DIAPH2: variants seen among roughly 807,000 people sequenced by gnomAD.
The protein encoded by DIAPH2 is diaphanous related formin 2.
A neutral mutation model predicts 92.7 loss-of-function variants in DIAPH2; 35 were observed. The ratio of observed to expected loss-of-function variants is 0.38; its 90% CI spans 0.29 to 0.50. The LOEUF (loss-of-function observed/expected upper bound fraction) is 0.50, where lower values mean the gene tolerates loss of function less well. DIAPH2 is among the 20% of genes least tolerant of loss of function. The pLI is 0.94. For synonymous variants in DIAPH2, 301 were observed against 280.4 expected (o/e 1.07, Z -0.73); for missense variants, 701 against 819.5 (o/e 0.86, Z 1.77).
chrX:97,526,864 T>C (rs2071027955), intron 26 of DIAPH2, among the ~76,000 whole-genome samples: 1 of 111,729 alleles, frequency 9.0e-6, no homozygotes, highest in African/African-American at 3.3e-5. Context: ...CCCATTCAAC[T>C]TTTCCATCTA....
intron 4 of DIAPH2, among the ~76,000 whole-genome samples, chrX:96,763,501 A>G (rs1347571371): frequency 9.0e-6 from 1 of 111,319 alleles, no homozygotes; most frequent in East Asian, 2.8e-4. Flanking sequence ...TGTCACTTTG[A>G]TTTCAGTATG....
At chrX:97,544,917 A>G (rs2071168226) in intron 26 of DIAPH2, among the ~76,000 whole-genome samples, 1 of 111,580 alleles carries the variant, frequency 9.0e-6, no homozygotes, top group Non-Finnish European at 1.9e-5. Flanking sequence ...AGTTTTTATT[A>G]CAGACCTACT....
chrX:97,415,866 T>C (rs1225784746), intron 25 of DIAPH2, among the ~76,000 whole-genome samples: 1 of 110,116 alleles, frequency 9.1e-6, no homozygotes, highest in African/African-American at 3.3e-5. Context: ...GAAAAAAAAA[T>C]AGTGAGGATG....
At chrX:96,884,651 A>C in intron 5 of DIAPH2, 1 of 1,210,807 alleles carries the variant, frequency 8.3e-7, no homozygotes, top group Non-Finnish European at 1.1e-6. Flanking sequence ...GAGAAAGTCA[A>C]GCAGGTGACT....
At chrX:96,785,940 A>G (rs2064453436) in intron 4 of DIAPH2, among the ~76,000 whole-genome samples, 1 of 111,765 alleles carries the variant, frequency 8.9e-6, no homozygotes, top group Non-Finnish European at 1.9e-5. Flanking sequence ...CAGTCCTTAT[A>G]TAGGAGCCAC....
intron 5 of DIAPH2, among the ~76,000 whole-genome samples, chrX:96,888,588 T>TATCTATATAC (rs2065283678): frequency 1.0e-5 from 1 of 99,443 alleles, no homozygotes; most frequent in Non-Finnish European, 2.0e-5. Context: ...TATCTATATA[T>TATCTATATAC]ATACAGATAT....
chrX:97,289,920 T>G (rs1382262341), intron 23 of DIAPH2, among the ~76,000 whole-genome samples: 1 of 109,947 alleles, frequency 9.1e-6, no homozygotes, highest in Admixed American at 9.8e-5. Flanking sequence ...GAGACAGCTT[T>G]TTGCCATGTT....
intron 26 of DIAPH2, among the ~76,000 whole-genome samples, chrX:97,506,244 G>A (rs1221518459): frequency 2.2e-5 from 2 of 91,644 alleles, no homozygotes; most frequent in Non-Finnish European, 4.1e-5. Flanking sequence ...CTGCCTCCCA[G>A]GTTCAAGCAA....
chrX:96,774,540 C>T (rs753140838), intron 4 of DIAPH2, among the ~76,000 whole-genome samples: 6 of 111,448 alleles, frequency 5.4e-5, no homozygotes, highest in Admixed American at 9.6e-5. Flanking sequence ...CAGATGTTCA[C>T]GAACAGGTAA....
At chrX:97,168,710 A>G (rs1039637169) in intron 22 of DIAPH2, among the ~76,000 whole-genome samples, 4 of 111,994 alleles carry the variant, frequency 3.6e-5, no homozygotes, top group Admixed American at 2.8e-4. Context: ...TGGCTTAAAC[A>G]ACAGAAATTT....
chrX:96,907,780 A>AT (rs1327986329), intron 5 of DIAPH2, among the ~76,000 whole-genome samples: 1 of 111,778 alleles, frequency 8.9e-6, no homozygotes, highest in Non-Finnish European at 1.9e-5. Flanking sequence ...ACTCCTAGAT[A>AT]TTTTTTTAAC....
chrX:97,314,218 G>A (rs188762726), intron 23 of DIAPH2, among the ~76,000 whole-genome samples: 18 of 104,516 alleles, frequency 1.7e-4, no homozygotes, highest in African/African-American at 6.0e-4. Context: ...AGACGAGCCT[G>A]GGACACATAG....
At chrX:96,798,859 C>G (rs1281467633) in intron 4 of DIAPH2, among the ~76,000 whole-genome samples, 1 of 111,355 alleles carries the variant, frequency 9.0e-6, no homozygotes, top group Non-Finnish European at 1.9e-5. Context: ...TTTCCAAATG[C>G]TCAATGAAGT....
chrX:97,078,545 T>A (rs1422312155), intron 19 of DIAPH2, among the ~76,000 whole-genome samples: 1 of 111,744 alleles, frequency 8.9e-6, no homozygotes, highest in Non-Finnish European at 1.9e-5. Context: ...ACATTATAGT[T>A]GTGGCAGAGA....
intron 23 of DIAPH2, among the ~76,000 whole-genome samples, chrX:97,257,891 T>C (rs1456542941): frequency 9.2e-6 from 1 of 108,854 alleles, no homozygotes; most frequent in Non-Finnish European, 1.9e-5. Flanking sequence ...GTCATTTATG[T>C]ATCATTCTCC....
At chrX:97,030,550 C>A (rs774463086) in intron 17 of DIAPH2, among the ~76,000 whole-genome samples, 3 of 110,654 alleles carry the variant, frequency 2.7e-5, no homozygotes, top group Non-Finnish European at 5.7e-5. Flanking sequence ...ATGTACCATG[C>A]CTTCTCGTGG....
At chrX:97,347,181 C>T (rs1602525080) in intron 23 of DIAPH2, among the ~76,000 whole-genome samples, 1 of 106,212 alleles carries the variant, frequency 9.4e-6, no homozygotes, top group Non-Finnish European at 1.9e-5. Flanking sequence ...CTCCACCTCC[C>T]GAGTTCAAGC....
At chrX:97,169,957 T>C (rs998893975) in intron 22 of DIAPH2, among the ~76,000 whole-genome samples, 2 of 112,227 alleles carry the variant, frequency 1.8e-5, no homozygotes, top group Non-Finnish European at 3.8e-5. Flanking sequence ...GAGTCAAAAA[T>C]GAGTAATTCC....
At chrX:97,111,462 C>T (rs921161570) in intron 20 of DIAPH2, among the ~76,000 whole-genome samples, 45 of 111,927 alleles carry the variant, frequency 4.0e-4, no homozygotes, top group African/African-American at 1.4e-3. Flanking sequence ...AGCAAACAAC[C>T]AGGTGACAAA....
Sources: allele counts gnomAD v4.1 joint callset (sites outside exome capture counted in the v4.1 genomes callset), GRCh38; gene constraint gnomAD v4.1.1; transcripts MANE v1.5; gene names NCBI Gene and HGNC (gene_info 2026-07-23, HGNC 2026-07-21).